Variants in POU2F3 observed in about 807,000 individuals in gnomAD.
POU2F3 encodes POU class 2 homeobox 3, also known as POU domain, class 2, transcription factor 3.
Under a neutral mutation model 59.2 loss-of-function variants are expected in POU2F3, and 23 were observed. The ratio of observed to expected loss-of-function variants is 0.39; its 90% CI spans 0.28 to 0.55. The LOEUF (loss-of-function observed/expected upper bound fraction) is 0.55, where lower values mean the gene tolerates loss of function less well. Among genes scored for constraint, POU2F3 ranks in the 20% least tolerant of loss-of-function variants. The probability of loss-of-function intolerance (pLI) is 0.66; values close to 1 mark genes in which losing one functional copy is unlikely to be tolerated. For synonymous variants in POU2F3, 190 were observed against 214.6 expected, an observed-to-expected ratio of 0.89 and a Z score of 1.00; for missense variants, 473 against 544.5, an observed-to-expected ratio of 0.87 and a Z score of 1.31.
At chr11:120,279,527 A>T (rs1940475309) in intron 3 of POU2F3, among the ~76,000 whole-genome samples, 1 of 151,944 alleles carries the variant, frequency 6.6e-6, no homozygotes, top group Admixed American at 6.6e-5. Flanking sequence ...TAGAGAGGTA[A>T]TTTTTTTCTG....
Position 120,307,681 on chromosome 11 carries a change from C to T in POU2F3, c.906+66C>T, listed in dbSNP as rs976528150. 2.5e-6 allele frequency: 4 copies of T among 1,593,336 alleles called. No homozygotes were observed. The African/African-American group carries it at 4.0e-5, about 16-fold the overall frequency. The stretch of plus-strand genomic sequence containing the variant: ...CACAGGTAGGGAGAGCAGACACGGC[C>T]CAGGCCCCTTGGCACCAGCCCCTCC... On this transcript the variant is annotated intron_variant, in intron 9 of 12. Transcript: ENST00000543440.
chr11:120,306,567 C>A (rs1941495611), intron 8 of POU2F3, among the ~76,000 whole-genome samples: 1 of 152,148 alleles, frequency 6.6e-6, no homozygotes, highest in African/African-American at 2.4e-5. Flanking sequence ...AGAATCTCTC[C>A]AGACATTGCC....
chr11:120,274,997 C>T (rs1940261883), intron 3 of POU2F3, among the ~76,000 whole-genome samples: 1 of 152,304 alleles, frequency 6.6e-6, no homozygotes, highest in African/African-American at 2.4e-5. Flanking sequence ...ACTTGGAAGT[C>T]AGGCAGGCAA....
chr11:120,258,100 C>T (rs1400886860), intron 2 of POU2F3, among the ~76,000 whole-genome samples: 10 of 152,192 alleles, frequency 6.6e-5, no homozygotes, highest in Non-Finnish European at 8.8e-5. Flanking sequence ...TCACTCCACA[C>T]GCGCCCCTCT....
chr11:120,252,426 T>G (rs1289932244), intron 2 of POU2F3, among the ~76,000 whole-genome samples: 2 of 151,988 alleles, frequency 1.3e-5, no homozygotes, highest in East Asian at 3.9e-4. Context: ...CAGGCTGGTC[T>G]CAAACTCCTG....
At chr11:120,296,743 C>A (rs544932291) in intron 3 of POU2F3, among the ~76,000 whole-genome samples, 22 of 152,294 alleles carry the variant, frequency 1.4e-4, no homozygotes, top group African/African-American at 4.8e-4. Flanking sequence ...CTTTTTATGG[C>A]TGCATAGTAT....
intron 2 of POU2F3, among the ~76,000 whole-genome samples, chr11:120,255,312 G>GCCTT (rs1271161679): frequency 2.0e-5 from 3 of 152,166 alleles, no homozygotes; most frequent in Non-Finnish European, 2.9e-5. Flanking sequence ...TAGGGGGCTT[G>GCCTT]CCTTCCCTTC....
chr11:120,255,415 A>G (rs1939295405), intron 2 of POU2F3, among the ~76,000 whole-genome samples: 1 of 151,980 alleles, frequency 6.6e-6, no homozygotes, highest in African/African-American at 2.4e-5. Context: ...TGCTATGACG[A>G]TGGGGTCTCG....
At chr11:120,276,818 C>T (rs1940347006) in intron 3 of POU2F3, among the ~76,000 whole-genome samples, 1 of 152,062 alleles carries the variant, frequency 6.6e-6, no homozygotes, top group Admixed American at 6.5e-5. Flanking sequence ...AACACATCCA[C>T]TAGGCACAGA....
intron 9 of POU2F3, 22 bp downstream of exon 9, chr11:120,307,637 G>A (rs773389118): frequency 6.2e-7 from 1 of 1,613,322 alleles, no homozygotes; most frequent in Non-Finnish European, 8.5e-7. Context: ...CTTCGGGTGG[G>A]CACGGGTGGG....
chr11:120,295,068 G>T (rs756971924), intron 3 of POU2F3, among the ~76,000 whole-genome samples: 1 of 152,314 alleles, frequency 6.6e-6, no homozygotes, highest in Non-Finnish European at 1.5e-5. Flanking sequence ...CTGCTATCAC[G>T]CACTTCATTT....
chr11:120,308,072 A>T (rs965130130), intron 9 of POU2F3, among the ~76,000 whole-genome samples: 1 of 152,214 alleles, frequency 6.6e-6, no homozygotes, highest in African/African-American at 2.4e-5. Context: ...AAGAAAAAAA[A>T]CGCCCATCGC....
rs116633181 is a variant in POU2F3, at chr11:120,294,191, C to T, written c.133-4074C>T. On this transcript the variant is annotated intron_variant, in intron 3 of 12. Coordinates refer to ENST00000543440, the MANE Select transcript of POU2F3 (RefSeq NM_014352.4). ...GATAATCATCCCTGATACATTTTTACCTTCCTGGTCACTGCCCAAGACTCA... is the reference window on the plus strand; with the variant it reads ...GATAATCATCCCTGATACATTTTTATCTTCCTGGTCACTGCCCAAGACTCA... Among the ~76,000 whole-genome samples, 1,069 of 152,286 alleles carry T rather than the reference C, an allele frequency of 7.0e-3. 11 individuals are homozygous for T. The highest frequency in any genetic ancestry group is 0.024 in the African/African-American group (1,003 of 41,564).
intron 2 of POU2F3, among the ~76,000 whole-genome samples, chr11:120,264,343 C>T (rs955356659): frequency 6.6e-6 from 1 of 152,178 alleles, no homozygotes; most frequent in Non-Finnish European, 1.5e-5. Context: ...GAGATCGCAC[C>T]ACTGCACTCC....
Position 120,309,430 on chromosome 11 carries a change from A to C in POU2F3, c.912A>C (p.Pro304=), listed in dbSNP as rs1321170205. Residue 304 remains proline (P), a synonymous_variant, in exon 10 of 13, where the codon CCA becomes CCC. Coordinates refer to ENST00000543440, the MANE Select transcript of POU2F3 (RefSeq NM_014352.4). ...TGTCCTTTCGGTGCCTATAGAACCC[A>C]AAACCCAGCTCGGAGGAGATCTCCA... ...LTLEKRFQDN[P]KPSSEEISMI... is the part of the protein sequence containing the mutation. 2 of 1,613,348 alleles carry C rather than the reference A, an allele frequency of 1.2e-6. No homozygotes were observed. Among genetic ancestry groups the C allele is most frequent in the Non-Finnish European group, 1.7e-6 (2 of 1,179,456 alleles).
At chr11:120,313,966 A>G (rs1457143536) in intron 10 of POU2F3, among the ~76,000 whole-genome samples, 1 of 152,220 alleles carries the variant, frequency 6.6e-6, no homozygotes, top group East Asian at 1.9e-4. Flanking sequence ...GTGAACCGTG[A>G]TCGTGCCATT....
upstream of POU2F3, chr11:120,236,700 AG>A (rs1938508518): frequency 6.7e-7 from 1 of 1,501,998 alleles, no homozygotes; most frequent in Admixed American, 2.0e-5. Flanking sequence ...CTGCTAAAGG[AG>A]GAAGGGGTAA....
chr11:120,280,192 C>T lies in POU2F3; in HGVS notation c.132+10948C>T, dbSNP rs142785119. On this transcript the variant is annotated intron_variant, in intron 3 of 12. Transcript: ENST00000543440. ...AAGGGAAGCTGGATTTAGCCCCAAACAATAACAGGGGAAGTTAATACTATT... is the reference window on the plus strand; with the variant it reads ...AAGGGAAGCTGGATTTAGCCCCAAATAATAACAGGGGAAGTTAATACTATT... Among the ~76,000 whole-genome samples the T allele has an allele frequency of 2.1e-4, 32 of 152,332 alleles. No individual in the cohort carries two copies. The East Asian group carries it at 2.9e-3, about 14-fold the overall frequency.
chr11:120,238,829 A>T (rs1938564457), upstream of POU2F3, among the ~76,000 whole-genome samples: 1 of 72,274 alleles, frequency 1.4e-5, no homozygotes. Flanking sequence ...ACTCTGTCTA[A>T]AAAAAAAAAA....
Sources: allele counts gnomAD v4.1 joint callset (sites outside exome capture counted in the v4.1 genomes callset), GRCh38; gene constraint gnomAD v4.1.1; transcripts MANE v1.5; gene names NCBI Gene and HGNC (gene_info 2026-07-23, HGNC 2026-07-21).